ADAM12: variants seen among roughly 807,000 people sequenced by gnomAD.
The protein encoded by ADAM12 is ADAM metallopeptidase domain 12.
In ADAM12, 70 loss-of-function variants were observed where a neutral mutation model predicts 106.4. That is an observed-to-expected ratio of 0.66 (90% CI 0.54 to 0.80). The LOEUF (loss-of-function observed/expected upper bound fraction) is 0.80, where lower values mean the gene tolerates loss of function less well. Among genes scored for constraint, ADAM12 ranks in the 30% least tolerant of loss-of-function variants. The pLI, the probability that ADAM12 is intolerant of heterozygous loss-of-function variation, is 0.00. For missense variants in ADAM12, 1,010 were observed against 1,171.9 expected (o/e 0.86, Z 2.02); for synonymous variants, 420 against 433.5 (o/e 0.97, Z 0.39).
chr10:126,196,792 C>T (rs574700163), intron 3 of ADAM12, among the ~76,000 whole-genome samples: 9 of 152,142 alleles, frequency 5.9e-5, no homozygotes, highest in Non-Finnish European at 1.3e-4. Flanking sequence ...TTAAAGATTT[C>T]CTCCTTTCCT....
At chr10:126,257,966 C>A (rs1231358662) in intron 3 of ADAM12, among the ~76,000 whole-genome samples, 1 of 152,102 alleles carries the variant, frequency 6.6e-6, no homozygotes, top group South Asian at 2.1e-4. Context: ...TATTTGGCAA[C>A]CTCAAATAGA....
At chr10:126,189,728 G>A (rs1957462649) in intron 3 of ADAM12, among the ~76,000 whole-genome samples, 1 of 152,058 alleles carries the variant, frequency 6.6e-6, no homozygotes, top group South Asian at 2.1e-4. Flanking sequence ...CAGGCTTGCT[G>A]TGGAGCCCAT....
intron 3 of ADAM12, among the ~76,000 whole-genome samples, chr10:126,249,396 G>A (rs558445992): frequency 1.5e-4 from 23 of 152,302 alleles, no homozygotes; most frequent in Non-Finnish European, 2.9e-5. Flanking sequence ...ATTAGCCAAA[G>A]TGCCTTAGAA....
Position 126,049,388 on chromosome 10 carries a change from A to G in ADAM12, c.1782T>C (p.Asn594=), listed in dbSNP as rs751242821. The G allele has an allele frequency of 6.2e-7, 1 of 1,614,206 alleles. No individual in the cohort carries two copies. The highest frequency in any genetic ancestry group is 8.5e-7 in the Non-Finnish European group (1 of 1,180,040). ...GGASRPVIGT[N]AVSIETNIPL... is the part of the protein sequence containing the mutation. ...GGATGTTTGTTTCTATGGAAACGGC[A>G]TTGGTACCAATGACTGGCCGGCTGG... Residue 594 remains asparagine (N), a synonymous_variant, in exon 16 of 23, where the codon AAT becomes AAC. Coordinates refer to ENST00000448723, the MANE Select transcript of ADAM12 (RefSeq NM_001288973.2). The surrounding 1 kb of genome is among the most constrained non-coding windows in gnomAD (Gnocchi z 4.4).
At chr10:126,195,668 G>A (rs1478682014) in intron 3 of ADAM12, among the ~76,000 whole-genome samples, 1 of 151,990 alleles carries the variant, frequency 6.6e-6, no homozygotes, top group Non-Finnish European at 1.5e-5. Context: ...AAAACAACAT[G>A]TATATGATAT....
chr10:126,388,142 C>A lies in ADAM12; in HGVS notation c.4G>T (p.Ala2Ser). ...GGGGACACGGGCAGCGGGCGCGCTG[C>A]CATCGTCGCCGGCCTTCAGTGCAGC... M[A>S]ARPLPVSPAR... The change falls in exon 1 of 23, where the codon GCA becomes TCA. Residue 2 changes from alanine (A) to serine (S), a missense_variant. By Grantham distance (99) the Ala-to-Ser change is moderately conservative (BLOSUM62 1). Around this residue, in one of 3 missense-constraint regions of ADAM12, gnomAD observed 391 missense variants for 442.9 expected, o/e 0.88. Coordinates refer to ENST00000448723, the MANE Select transcript of ADAM12 (RefSeq NM_001288973.2). The surrounding 1 kb of genome is among the most constrained non-coding windows in gnomAD (Gnocchi z 4.4). 8.2e-7 allele frequency: 1 copy of A among 1,212,786 alleles called. No individual in the cohort carries two copies. Among genetic ancestry groups the A allele is most frequent in the African/African-American group, 1.6e-5 (1 of 63,730 alleles). The allele number at this position is 1,212,786 out of a possible 1,614,324, so 75.1% of individuals were successfully genotyped here. A position where few individuals can be genotyped will look rare whatever the true frequency, so the allele number is the denominator to read the frequency against.
intron 4 of ADAM12, among the ~76,000 whole-genome samples, chr10:126,141,337 C>G (rs1209344627): frequency 6.6e-6 from 1 of 152,216 alleles, no homozygotes; most frequent in Admixed American, 6.5e-5. Context: ...CATTGCCGAA[C>G]AAGACATGGT....
At chr10:126,175,835 C>G (rs938095661) in intron 3 of ADAM12, among the ~76,000 whole-genome samples, 1 of 152,204 alleles carries the variant, frequency 6.6e-6, no homozygotes, top group Non-Finnish European at 1.5e-5. Flanking sequence ...AAGGCTCTCC[C>G]TTACCACTCT....
At chr10:126,382,991 C>T (rs1190818235) in intron 1 of ADAM12, among the ~76,000 whole-genome samples, 1 of 152,154 alleles carries the variant, frequency 6.6e-6, no homozygotes, top group Non-Finnish European at 1.5e-5. Context: ...GTCACCGAGG[C>T]TGGAGTAGCA....
intron 4 of ADAM12, among the ~76,000 whole-genome samples, chr10:126,139,539 T>C (rs1590482602): frequency 6.6e-6 from 1 of 152,208 alleles, no homozygotes; most frequent in East Asian, 1.9e-4. Flanking sequence ...GTGCTCCTTT[T>C]TGGATCCTTC....
At chr10:126,078,289 C>G (rs1955141787) in intron 11 of ADAM12, among the ~76,000 whole-genome samples, 1 of 152,174 alleles carries the variant, frequency 6.6e-6, no homozygotes. Flanking sequence ...CTATTATACT[C>G]AAAGCACTGA....
chr10:126,241,722 C>T (rs11244900), intron 3 of ADAM12, among the ~76,000 whole-genome samples: 5,125 of 152,270 alleles, frequency 0.034, 186 homozygotes, highest in African/African-American at 0.071. Flanking sequence ...ACGTATAAAA[C>T]GGGGACAAGA....
intron 8 of ADAM12, among the ~76,000 whole-genome samples, chr10:126,102,411 A>T (rs976357744): frequency 1.8e-4 from 27 of 152,230 alleles, no homozygotes; most frequent in Admixed American, 1.2e-3. Context: ...CAGTTGCTGG[A>T]AGCATCTGGC....
At chr10:126,174,194 C>T (rs1277998503) in intron 3 of ADAM12, among the ~76,000 whole-genome samples, 1 of 151,306 alleles carries the variant, frequency 6.6e-6, no homozygotes, top group African/African-American at 2.4e-5. Context: ...CCTCCCCCTT[C>T]CCCCCACTGC....
chr10:126,131,977 G>A (rs370512276), intron 5 of ADAM12, among the ~76,000 whole-genome samples: 2 of 135,018 alleles, frequency 1.5e-5, no homozygotes, highest in South Asian at 2.5e-4. Flanking sequence ...GTTTGAATTC[G>A]TGTTTTTTTT....
chr10:126,333,482 T>C (rs1854591798), intron 1 of ADAM12, among the ~76,000 whole-genome samples: 1 of 152,196 alleles, frequency 6.6e-6, no homozygotes, highest in Non-Finnish European at 1.5e-5. Flanking sequence ...AGGAAGGAGA[T>C]GATGCGTGAA....
intron 16 of ADAM12, among the ~76,000 whole-genome samples, chr10:126,048,352 C>A (rs1954381907): frequency 6.6e-6 from 1 of 152,010 alleles, no homozygotes. Flanking sequence ...AATGTCAAGG[C>A]CTGAATATGA....
chr10:126,133,949 C>T (rs1310131240), intron 5 of ADAM12, among the ~76,000 whole-genome samples: 1 of 152,216 alleles, frequency 6.6e-6, no homozygotes, highest in African/African-American at 2.4e-5. Context: ...TGTCTTTCTC[C>T]ATGATCCTTG....
intron 3 of ADAM12, among the ~76,000 whole-genome samples, chr10:126,168,143 C>A (rs924218697): frequency 6.6e-6 from 1 of 152,164 alleles, no homozygotes; most frequent in Non-Finnish European, 1.5e-5. Context: ...GCCTTTTCAG[C>A]TGGGCTAACT....
Sources: allele counts gnomAD v4.1 joint callset (sites outside exome capture counted in the v4.1 genomes callset), GRCh38; gene constraint gnomAD v4.1.1; regional missense constraint gnomAD v4.1.1; non-coding constraint Gnocchi (gnomAD v3.1); transcripts MANE v1.5; gene names NCBI Gene and HGNC (gene_info 2026-07-23, HGNC 2026-07-21).